IGF2R: variants seen among roughly 807,000 people sequenced by gnomAD.
IGF2R encodes the protein insulin like growth factor 2 receptor.
A neutral mutation model predicts 270.6 loss-of-function variants in IGF2R; 91 were observed. The ratio of observed to expected loss-of-function variants is 0.34; its 90% CI spans 0.28 to 0.40. The LOEUF (loss-of-function observed/expected upper bound fraction) is 0.40, where lower values mean the gene tolerates loss of function less well. Among genes scored for constraint, IGF2R ranks in the 10% least tolerant of loss-of-function variants. IGF2R has a pLI of 1.00. For synonymous variants in IGF2R, 1,316 were observed against 1,258.9 expected (o/e 1.05, Z -0.96); for missense variants, 2,805 against 3,188.3 (o/e 0.88, Z 2.90).
chr6:160,067,093 G>A (rs1368934065), intron 29 of IGF2R, among the ~76,000 whole-genome samples: 5 of 152,166 alleles, frequency 3.3e-5, no homozygotes, highest in Admixed American at 3.3e-4. Flanking sequence ...GGACCTACAG[G>A]CTGAAGTTCT....
At chr6:160,026,712 C>G (rs1317950369) in intron 5 of IGF2R, among the ~76,000 whole-genome samples, 1 of 152,228 alleles carries the variant, frequency 6.6e-6, no homozygotes, top group African/African-American at 2.4e-5. Flanking sequence ...CTCCACCAAA[C>G]CTGTGCAGTA....
chr6:160,012,854 T>C (rs969122583), intron 4 of IGF2R, among the ~76,000 whole-genome samples: 43 of 151,536 alleles, frequency 2.8e-4, no homozygotes, highest in Middle Eastern at 3.4e-3. Context: ...CTTGAACTCC[T>C]GACCTCAGGT....
At chr6:160,019,986 G>A (rs932533750) in intron 4 of IGF2R, among the ~76,000 whole-genome samples, 13 of 152,030 alleles carry the variant, frequency 8.6e-5, no homozygotes, top group African/African-American at 1.7e-4. Flanking sequence ...GAAAGAAAAC[G>A]CATCCAGATC....
At chr6:160,062,888 T>C (rs1191560050) in intron 26 of IGF2R, among the ~76,000 whole-genome samples, 1 of 151,806 alleles carries the variant, frequency 6.6e-6, no homozygotes, top group African/African-American at 2.4e-5. Flanking sequence ...TGGTTTTGTG[T>C]TGTTTGATGA....
At chr6:159,995,870 G>A (rs547635872) in intron 2 of IGF2R, among the ~76,000 whole-genome samples, 1 of 144,048 alleles carries the variant, frequency 6.9e-6, no homozygotes, top group South Asian at 2.2e-4. Flanking sequence ...GAGTTAGTGT[G>A]AGTCTTTGGG....
chr6:160,095,092 G>A (rs542320690), intron 44 of IGF2R: 1 of 152,138 alleles, frequency 6.6e-6, no homozygotes, highest in Non-Finnish European at 1.5e-5. Flanking sequence ...GCTTGCCCAC[G>A]TCACTCTACC....
At position 159,984,303 on chromosome 6, in the gene IGF2R, A is replaced by G. The variant is rs111884305; in HGVS notation, c.150-6881A>G. Among the ~76,000 whole-genome samples, 268 of 152,308 alleles carry G rather than the reference A, an allele frequency of 1.8e-3. 3 individuals carry two copies. Among genetic ancestry groups the G allele is most frequent in the African/African-American group, 6.2e-3 (259 of 41,570 alleles). On this transcript the variant is annotated intron_variant, in intron 1 of 47. Coordinates refer to ENST00000356956, the MANE Select transcript of IGF2R (RefSeq NM_000876.4). ...CTTATCACCTAGTGATGCTGTAGCC[A>G]TTGTAATGTCGTAGCACAATGCATT... is the stretch of plus-strand genomic sequence containing the variant.
intron 45 of IGF2R, among the ~76,000 whole-genome samples, chr6:160,099,736 C>T (rs9456502): frequency 0.071 from 10,797 of 152,144 alleles, 800 homozygotes; most frequent in African/African-American, 0.19. Flanking sequence ...AGTCGCTTCA[C>T]GGAAGGTTGC....
At position 160,060,652 on chromosome 6, in the gene IGF2R, A is replaced by G. The variant is rs768491459; in HGVS notation, c.3197A>G (p.Asn1066Ser). Reference protein sequence around the residue: ...QDIDSGQGIRNTYFEFETALA... With the variant: ...QDIDSGQGIRSTYFEFETALA... ...ATCGACTCTGGGCAAGGGATCCGAA[A>G]CACTTACTTTGAGTTTGAAACCGCG... The change falls in exon 23 of 48, where the codon AAC becomes AGC. Residue 1066 changes from asparagine to serine, a missense_variant. Transcript: ENST00000356956. 4.3e-6 allele frequency: 7 copies of G among 1,614,116 alleles called. No homozygotes were observed. The South Asian group carries it at 7.7e-5, about 18-fold the overall frequency.
chr6:160,072,338 C>T (rs1778760170), intron 32 of IGF2R, among the ~76,000 whole-genome samples: 1 of 151,932 alleles, frequency 6.6e-6, no homozygotes, highest in Non-Finnish European at 1.5e-5. Flanking sequence ...GCTCTAGGCT[C>T]TCCAGGGCAG....
At chr6:160,046,140 C>T (rs529773607) in intron 14 of IGF2R, among the ~76,000 whole-genome samples, 43 of 152,284 alleles carry the variant, frequency 2.8e-4, no homozygotes, top group African/African-American at 9.1e-4. Flanking sequence ...AAAAGGCTTT[C>T]GTGTGAATTC....
intron 1 of IGF2R, among the ~76,000 whole-genome samples, chr6:159,986,383 G>T (rs538948058): frequency 1.4e-3 from 204 of 150,204 alleles, no homozygotes; most frequent in African/African-American, 4.9e-3. Flanking sequence ...AAGCGTGCGC[G>T]ACCATGCCTG....
rs145133650 is a variant in IGF2R, at chr6:160,034,425, G to A, written c.1218G>A (p.Ser406=). Residue 406 remains serine (S), a synonymous_variant, in exon 10 of 48, where the codon TCG becomes TCA. Transcript: ENST00000356956. ...GRYHNQTLRY[S]DGDLTLIYFG... ...TGTATTCACAAAAATCTAGATATTC[G>A]GATGGAGACCTCACCTTGATATATT... The A allele has an allele frequency of 2.5e-6, 4 of 1,592,306 alleles. No individual in the cohort carries two copies. The highest frequency in any genetic ancestry group is 1.3e-5 in the African/African-American group (1 of 74,552).
rs553744228 is a variant in IGF2R at position 160,048,501 on chromosome 6, C to G, written c.2472C>G (p.Asn824Lys). Residue 824 changes from asparagine (N) to lysine (K), a missense_variant, in exon 18 of 48, where the codon AAC (asparagine) becomes AAG (lysine). Transcript: ENST00000356956. ...CTCTGAATCCAGTGCCGGGCTGCAA[C>G]CGATATGCATCGGCTTGCCAGATGA... Reference protein sequence around the residue: ...CRPLNPVPGCNRYASACQMKY... With the variant: ...CRPLNPVPGCKRYASACQMKY... The G allele has an allele frequency of 3.5e-5, 56 of 1,614,044 alleles. No homozygotes were observed. The South Asian group carries it at 5.9e-4, about 17-fold the overall frequency.
intron 1 of IGF2R, among the ~76,000 whole-genome samples, chr6:159,982,592 C>T (rs779381669): frequency 6.6e-6 from 1 of 152,326 alleles, no homozygotes; most frequent in South Asian, 2.1e-4. Flanking sequence ...CAGATTCACA[C>T]GTGCCTACTT....
chr6:160,083,969 C>T lies in IGF2R; in HGVS notation c.5853C>T (p.Ser1951=), dbSNP rs774556092. The T allele has an allele frequency of 1.4e-5, 22 of 1,613,550 alleles. No homozygotes were observed. The highest frequency in any genetic ancestry group is 1.6e-4 in the Middle Eastern group (1 of 6,082). Residue 1951 remains serine (S), a synonymous_variant, in exon 40 of 48, where the codon TCC becomes TCT. Transcript: ENST00000356956. The part of the protein sequence containing the change: ...FCRHSNSYRT[S]SIIFKCDEDE... ...CCCCAGCAAACAGCTACCGGACATC[C>T]AGCATCATATTTAAGTGTGATGAAG...
chr6:159,997,835 T>C (rs111857511), intron 2 of IGF2R, among the ~76,000 whole-genome samples: 27 of 152,348 alleles, frequency 1.8e-4, no homozygotes, highest in African/African-American at 5.5e-4. Context: ...CTTGTCATTT[T>C]GCATGGAAAT....
At chr6:160,024,328 C>G (rs1402246289) in intron 4 of IGF2R, among the ~76,000 whole-genome samples, 1 of 152,008 alleles carries the variant, frequency 6.6e-6, no homozygotes, top group Non-Finnish European at 1.5e-5. Flanking sequence ...AGAGGGAAAA[C>G]CTGGTGATGT....
intron 18 of IGF2R, 135 bp downstream of exon 18, chr6:160,048,678 C>A: frequency 1.2e-6 from 1 of 801,894 alleles, no homozygotes. Context: ...AGGAGTGGGG[C>A]CTCCATGTGA....
Sources: allele counts gnomAD v4.1 joint callset (sites outside exome capture counted in the v4.1 genomes callset), GRCh38; gene constraint gnomAD v4.1.1; transcripts MANE v1.5; gene names NCBI Gene and HGNC (gene_info 2026-07-23, HGNC 2026-07-21).